The following PI4KA variants were observed in gnomAD, a reference collection of about 807,000 sequenced individuals.
The protein encoded by PI4KA is PI4-kinase alpha.
PI4KA carries 122 observed loss-of-function variants against 271.4 expected under a neutral mutation model. That is an observed-to-expected ratio of 0.45 (90% confidence interval 0.39 to 0.52). PI4KA has a LOEUF of 0.52. Among genes scored for constraint, PI4KA ranks in the 20% least tolerant of loss-of-function variants. The pLI is 0.00. For synonymous variants in PI4KA, 1,041 were observed against 1,078.8 expected, an observed-to-expected ratio of 0.96 and a Z score of 0.69; for missense variants, 1,969 against 2,769.1, an observed-to-expected ratio of 0.71 and a Z score of 6.48.
rs1568962189 is a variant in PI4KA at position 20,729,618 on chromosome 22, C to T, written c.4488+14G>A. Reference sequence around the variant, plus strand: ...GTGGCGGGCAGCAGGCACAGCTGCACCTGTGGGCCTTACCAGCAGGGACAG... The same window carrying T: ...GTGGCGGGCAGCAGGCACAGCTGCATCTGTGGGCCTTACCAGCAGGGACAG... On this transcript the variant is annotated intron_variant, in intron 38 of 54. Coordinates refer to ENST00000255882, the MANE Select transcript of PI4KA (RefSeq NM_058004.4). 6.4e-7 allele frequency: 1 copy of T among 1,561,198 alleles called. No homozygotes were observed. The highest frequency in any genetic ancestry group is 1.9e-5 in the Admixed American group (1 of 52,104).
intron 9 of PI4KA, among the ~76,000 whole-genome samples, chr22:20,808,358 G>A (rs1170195088): frequency 5.9e-5 from 9 of 151,624 alleles, no homozygotes; most frequent in African/African-American, 2.2e-4. Flanking sequence ...GGCCAAGGCG[G>A]GTGGATCACG....
At chr22:20,762,504 C>T (rs2147382495) in intron 22 of PI4KA, among the ~76,000 whole-genome samples, 1 of 152,278 alleles carries the variant, frequency 6.6e-6, no homozygotes, top group African/African-American at 2.4e-5. Context: ...CTGCTATGGG[C>T]TGCGTCTTAG....
chr22:20,828,876 G>C (rs1167115936), intron 3 of PI4KA, among the ~76,000 whole-genome samples: 2 of 152,038 alleles, frequency 1.3e-5, no homozygotes, highest in African/African-American at 2.4e-5. Context: ...TAACATGAAG[G>C]GATATTGAAT....
intron 32 of PI4KA, among the ~76,000 whole-genome samples, chr22:20,741,531 ACCC>A (rs34756904): frequency 6.6e-6 from 1 of 152,016 alleles, no homozygotes; most frequent in Non-Finnish European, 1.5e-5. Flanking sequence ...ATTGATACAA[ACCC>A]CACGAGGTTA....
At chr22:20,749,572 C>A (rs1930456847) in intron 28 of PI4KA, among the ~76,000 whole-genome samples, 1 of 152,252 alleles carries the variant, frequency 6.6e-6, no homozygotes, top group African/African-American at 2.4e-5. Flanking sequence ...ATGCACTTGG[C>A]ACTTAGAGAT....
At chr22:20,751,776 C>T in intron 25 of PI4KA, 21 bp from the exon 26 acceptor site, 1 of 1,610,084 alleles carries the variant, frequency 6.2e-7, no homozygotes, top group Non-Finnish European at 8.5e-7. Context: ...AGCCAGCTCT[C>T]AGGACCAAGA....
chr22:20,846,911 G>A (rs888129703), intron 1 of PI4KA, among the ~76,000 whole-genome samples: 8 of 150,600 alleles, frequency 5.3e-5, no homozygotes, highest in Non-Finnish European at 1.0e-4. Context: ...ACTTTGGGAA[G>A]CCGAAGTGGG....
Position 20,819,715 on chromosome 22 carries a change from G to A in PI4KA, c.715C>T (p.Pro239Ser), listed in dbSNP as rs765919048. The change falls in exon 6 of 55, where the codon CCC becomes TCC. Residue 239 changes from proline (P) to serine (S), a missense_variant. By Grantham distance (74) the Pro-to-Ser change is moderately conservative. This residue lies in a region of PI4KA where 540 missense variants were observed against 555.5 expected (regional missense o/e 0.97). Coordinates refer to ENST00000255882, the MANE Select transcript of PI4KA (RefSeq NM_058004.4). The stretch of plus-strand genomic sequence containing the variant: ...TGACAGACAGTCAGCAGATTGCTGG[G>A]GAGGATGGAGCGGAAGTCATTAAAG... ...RSFNDFRSILPSNLLTVCQEG... is the reference protein window; with the variant it reads ...RSFNDFRSILSSNLLTVCQEG... 1.4e-5 allele frequency: 22 copies of A among 1,614,022 alleles called. No individual in the cohort carries two copies. Among genetic ancestry groups the A allele is most frequent in the Non-Finnish European group, 1.9e-5 (22 of 1,179,938 alleles).
At chr22:20,779,919 C>T (rs1417750976) in intron 19 of PI4KA, 15 of 1,614,082 alleles carry the variant, frequency 9.3e-6, no homozygotes, top group African/African-American at 1.3e-5. Flanking sequence ...TAATCTCTTC[C>T]GTAAGCTGAC....
chr22:20,843,653 T>G (rs1358462156), intron 1 of PI4KA, among the ~76,000 whole-genome samples: 1 of 151,428 alleles, frequency 6.6e-6, no homozygotes, highest in Non-Finnish European at 1.5e-5. Context: ...GTTGCACAGA[T>G]GCAACCAGCA....
At chr22:20,831,820 T>C (rs142778898) in intron 3 of PI4KA, among the ~76,000 whole-genome samples, 1 of 152,220 alleles carries the variant, frequency 6.6e-6, no homozygotes, top group East Asian at 1.9e-4. Context: ...TCTTGTGTAG[T>C]ATTTCATAGG....
chr22:20,724,912 T>C (rs1927169826), intron 42 of PI4KA, among the ~76,000 whole-genome samples: 1 of 152,232 alleles, frequency 6.6e-6, no homozygotes, highest in African/African-American at 2.4e-5. Context: ...AGGTGCCTCA[T>C]GACAATCCTG....
chr22:20,785,997 T>C (rs777236252), intron 19 of PI4KA: 3 of 1,614,092 alleles, frequency 1.9e-6, no homozygotes, highest in Non-Finnish European at 2.5e-6. Flanking sequence ...TTTCCTTTTC[T>C]GTCTAGAACT....
chr22:20,734,233 A>G lies in PI4KA; in HGVS notation c.3901-39T>C. ...GGAAGACGCTGTGGTGGTGGGGCTG[A>G]GCCGGGCTAACCCTGGGGCCGGCAG... On this transcript the variant is annotated intron_variant, in intron 33 of 54. Transcript: ENST00000255882. 2.0e-6 allele frequency: 3 copies of G among 1,506,756 alleles called. No homozygotes were observed. The South Asian group carries it at 3.8e-5, about 19-fold the overall frequency. The allele number at this position is 1,506,756 out of a possible 1,614,324, so 93.3% of individuals were successfully genotyped here. A position where few individuals can be genotyped will look rare whatever the true frequency, so the allele number is the denominator to read the frequency against.
chr22:20,758,450 CTTTCT>C (rs1372198068), intron 23 of PI4KA, among the ~76,000 whole-genome samples: 1 of 91,098 alleles, frequency 1.1e-5, no homozygotes, highest in Non-Finnish European at 2.2e-5. Context: ...TGTGATTTTT[CTTTCT>C]TTTCTTTTTT....
chr22:20,714,668 C>T lies in PI4KA; in HGVS notation c.5350G>A (p.Val1784Met). Residue 1784 changes from valine (V) to methionine (M), a missense_variant, in exon 46 of 55, where the codon GTG becomes ATG. Coordinates refer to ENST00000255882, the MANE Select transcript of PI4KA (RefSeq NM_058004.4). Reference sequence around the variant, plus strand: ...CCAGACTTGTAGTCGATGTCCAGCACAATGGCCTCAGGGTTGCTGGGCAGG... The same window carrying T: ...CCAGACTTGTAGTCGATGTCCAGCATAATGGCCTCAGGGTTGCTGGGCAGG... ...CYLPSNPEAI[V>M]LDIDYKSGTP... is the part of the protein sequence containing the mutation. 1.2e-6 allele frequency: 2 copies of T among 1,614,012 alleles called. No individual in the cohort carries two copies. Among genetic ancestry groups the T allele is most frequent in the Non-Finnish European group, 8.5e-7 (1 of 1,179,870 alleles).
At chr22:20,734,313 G>A in intron 33 of PI4KA, 82 bp downstream of exon 33, 1 of 1,369,264 alleles carries the variant, frequency 7.3e-7, no homozygotes. Flanking sequence ...AAGGCCTTGG[G>A]CTCGGCTACC....
chr22:20,819,857 C>T lies in PI4KA; in HGVS notation c.573G>A (p.Ser191=), dbSNP rs140108411. The T allele has an allele frequency of 1.1e-5, 17 of 1,613,786 alleles. No individual in the cohort carries two copies. Among genetic ancestry groups the T allele is most frequent in the African/African-American group, 1.3e-5 (1 of 74,910 alleles). ...KYAIPCLIGI[S]RAFGRYSNME... Reference sequence around the variant, plus strand: ...TGTTGCTGTAACGCCCAAATGCTCGCGAGATTCCTATCAGGCATGGGATAG... The same window carrying T: ...TGTTGCTGTAACGCCCAAATGCTCGTGAGATTCCTATCAGGCATGGGATAG... The change falls in exon 6 of 55, where the codon TCG becomes TCA. Residue 191 remains serine (S), a synonymous_variant. Transcript: ENST00000255882.
At chr22:20,754,541 A>T (rs558747560) in intron 23 of PI4KA, among the ~76,000 whole-genome samples, 19 of 152,342 alleles carry the variant, frequency 1.2e-4, no homozygotes, top group Non-Finnish European at 1.9e-4. Flanking sequence ...TTATGCAGAG[A>T]TCATGTCTTT....
Sources: gnomAD v4.1 joint callset for allele counts (sites outside exome capture counted in the v4.1 genomes callset) on GRCh38, gnomAD v4.1.1 for gene constraint, gnomAD v4.1.1 regional missense constraint, MANE v1.5 for transcripts, NCBI Gene and HGNC (gene_info 2026-07-23, HGNC 2026-07-21) for gene names.